The following TCFL5 variants were observed in gnomAD, a reference collection of about 807,000 sequenced individuals.
The protein encoded by TCFL5 is transcription factor like 5, also known as transcription factor-like 5 protein.
Under a neutral mutation model 44.3 loss-of-function variants are expected in TCFL5, and 9 were observed. The observed-to-expected ratio is 0.20, with a 90% CI of 0.12 to 0.35. TCFL5 has a LOEUF of 0.35. Among genes scored for constraint, TCFL5 ranks in the 10% least tolerant of loss-of-function variants. The pLI is 1.00. For synonymous variants in TCFL5, 319 were observed against 271.6 expected (o/e 1.17, Z -1.72); for missense variants, 603 against 613.4 (o/e 0.98, Z 0.18).
intron 4 of TCFL5, 48 bp downstream of exon 4, chr20:62,857,347 T>G (rs1354397306): frequency 3.7e-6 from 6 of 1,602,568 alleles, no homozygotes. Flanking sequence ...CATGTATGAC[T>G]AAGGTAATCA....
chr20:62,843,319 G>C (rs1404368666), intron 5 of TCFL5, among the ~76,000 whole-genome samples: 2 of 152,206 alleles, frequency 1.3e-5, no homozygotes, highest in African/African-American at 4.8e-5. Flanking sequence ...AAGGAGTGAA[G>C]GCTTTCAGGA....
At position 62,861,798 on chromosome 20, in the gene TCFL5, G is replaced by C. The variant is rs2147311526; in HGVS notation, c.-128C>G. On this transcript the variant is annotated 5_prime_UTR_variant, in exon 1 of 6. Coordinates refer to ENST00000335351, the MANE Select transcript of TCFL5 (RefSeq NM_006602.4). The surrounding 1 kb of genome is among the most constrained non-coding windows in gnomAD (Gnocchi z 4.0). ...CTGCGCCGGCCACAGCCGGCGCGCCGTTGGGGGAGGGAAAACCGCTGAGTG... is the reference window on the plus strand; with the variant it reads ...CTGCGCCGGCCACAGCCGGCGCGCCCTTGGGGGAGGGAAAACCGCTGAGTG... 1 of 148,254 alleles carries C rather than the reference G, an allele frequency of 6.7e-6. No homozygotes were observed. The highest frequency in any genetic ancestry group is 1.5e-5 in the Non-Finnish European group (1 of 66,134). 9.2% of individuals were successfully genotyped at this position (148,254 alleles called of 1,614,324 possible).
At chr20:62,859,645 T>C (rs1340908773) in intron 2 of TCFL5, 119 bp from the exon 3 acceptor site, 3 of 873,106 alleles carry the variant, frequency 3.4e-6, no homozygotes, top group Non-Finnish European at 5.2e-6. Flanking sequence ...TGAAGAACTT[T>C]AGTTGCACTG....
rs530225782 is a variant in TCFL5, at chr20:62,856,422, T to C, written c.1238+973A>G. ...CAGCAATCTTAAAAGAACCAGGCAATAGCCAGGAGCGGTGGCTCACACCTG... is the reference window on the plus strand; with the variant it reads ...CAGCAATCTTAAAAGAACCAGGCAACAGCCAGGAGCGGTGGCTCACACCTG... On this transcript the variant is annotated intron_variant, in intron 4 of 5. Transcript: ENST00000335351. Among the ~76,000 whole-genome samples, 259 of 150,282 alleles carry C rather than the reference T, an allele frequency of 1.7e-3. 3 individuals carry two copies. The highest frequency in any genetic ancestry group is 6.4e-3 in the Admixed American group (97 of 15,084).
chr20:62,856,357 G>A (rs182665347), intron 4 of TCFL5, among the ~76,000 whole-genome samples: 25 of 150,740 alleles, frequency 1.7e-4, no homozygotes, highest in Admixed American at 1.3e-4. Context: ...AAAATCTACA[G>A]ACAAAACCAC....
chr20:62,856,511 T>C (rs559194778), intron 4 of TCFL5, among the ~76,000 whole-genome samples: 5 of 151,870 alleles, frequency 3.3e-5, no homozygotes, highest in Middle Eastern at 3.4e-3. Context: ...AAGACCATCC[T>C]GGCTAACATG....
intron 4 of TCFL5, among the ~76,000 whole-genome samples, chr20:62,855,810 A>G (rs944506468): frequency 1.3e-5 from 2 of 152,188 alleles, no homozygotes; most frequent in African/African-American, 4.8e-5. Flanking sequence ...CCTTAGCTCA[A>G]CATTCAACCT....
chr20:62,842,108 G>C lies in TCFL5; in HGVS notation c.1381-11C>G, dbSNP rs751453955. On this transcript the variant is annotated splice_polypyrimidine_tract_variant and intron_variant, in intron 5 of 5. Coordinates refer to ENST00000335351, the MANE Select transcript of TCFL5 (RefSeq NM_006602.4). The surrounding 1 kb of genome is among the most constrained non-coding windows in gnomAD (Gnocchi z 4.3). ...TACGCTCTCAAATTCCTGCAGTGAA[G>C]AAGTGACGGTTAACATACTGAATTA... is the stretch of plus-strand genomic sequence containing the variant. 1 of 1,614,048 alleles carries C rather than the reference G, an allele frequency of 6.2e-7. No homozygotes were observed. The highest frequency in any genetic ancestry group is 8.5e-7 in the Non-Finnish European group (1 of 1,179,966).
intron 5 of TCFL5, among the ~76,000 whole-genome samples, chr20:62,847,493 C>T (rs145611381): frequency 7.3e-4 from 111 of 152,368 alleles, no homozygotes; most frequent in Non-Finnish European, 1.3e-3. Flanking sequence ...GACTCCAGCA[C>T]GGCCCAGGCC....
At chr20:62,853,146 GTA>G (rs2063838240) in intron 5 of TCFL5, among the ~76,000 whole-genome samples, 2 of 150,200 alleles carry the variant, frequency 1.3e-5, no homozygotes, top group Admixed American at 1.3e-4. Context: ...CCGGTCCACA[GTA>G]TAGTCACCCA....
In TCFL5 at chr20:62,861,569, C is replaced by A; in HGVS notation, c.102G>T (p.Glu34Asp). Residue 34 changes from glutamate to aspartate, a missense_variant, in exon 1 of 6, where the codon GAG becomes GAT. By Grantham distance (45) the Glu-to-Asp change is conservative. This residue lies in a region of TCFL5 where 540 missense variants were observed against 478.7 expected (regional missense o/e 1.13). Coordinates refer to ENST00000335351, the MANE Select transcript of TCFL5 (RefSeq NM_006602.4). This position sits in a 1 kb window ranked among gnomAD's most constrained non-coding sequence, Gnocchi z 4.0. ...GAGGGDAALG[E>D]PGLSFTTTDL... ...CGGTGGTCGTGAAGCTCAGCCCCGG[C>A]TCGCCCAGCGCCGCGTCCCCGCCGC... is the stretch of plus-strand genomic sequence containing the variant. 1.8e-6 allele frequency: 2 copies of A among 1,113,804 alleles called. No homozygotes were observed. The highest frequency in any genetic ancestry group is 6.8e-5 in the South Asian group (2 of 29,626). 69.0% of individuals were successfully genotyped at this position (1,113,804 alleles called of 1,614,324 possible). A position where few individuals can be genotyped will look rare whatever the true frequency, so the allele number is the denominator to read the frequency against.
chr20:62,842,164 G>A lies in TCFL5; in HGVS notation c.1381-67C>T. On this transcript the variant is annotated intron_variant, in intron 5 of 5. Coordinates refer to ENST00000335351, the MANE Select transcript of TCFL5 (RefSeq NM_006602.4). The surrounding 1 kb of genome is among the most constrained non-coding windows in gnomAD (Gnocchi z 4.3). ...CATGAAAACTGCTGTCTTCCAAAGTGCAAAAGGTTCAAATTAAGAGCTAAG... is the reference window on the plus strand; with the variant it reads ...CATGAAAACTGCTGTCTTCCAAAGTACAAAAGGTTCAAATTAAGAGCTAAG... 1 of 1,593,802 alleles carries A rather than the reference G, an allele frequency of 6.3e-7. No individual in the cohort carries two copies. The highest frequency in any genetic ancestry group is 8.6e-7 in the Non-Finnish European group (1 of 1,168,468).
intron 5 of TCFL5, among the ~76,000 whole-genome samples, chr20:62,848,287 G>A (rs1422088195): frequency 2.6e-5 from 4 of 152,220 alleles, no homozygotes; most frequent in Admixed American, 6.5e-5. Context: ...GGCCCCCAGC[G>A]TGCAGGGGCA....
rs1455358847 is a variant in TCFL5 at position 62,845,610 on chromosome 20, C to T, written c.1381-3513G>A. On this transcript the variant is annotated intron_variant, in intron 5 of 5. Transcript: ENST00000335351. ...GCCGGCTCCGGAGAAGTTAGACCCTCGGAGCTGGTCTCGGACTGCTGGGGC... is the reference window on the plus strand; with the variant it reads ...GCCGGCTCCGGAGAAGTTAGACCCTTGGAGCTGGTCTCGGACTGCTGGGGC... The T allele has an allele frequency of 8.8e-6, 14 of 1,583,430 alleles. No homozygotes were observed. In the Admixed American group the frequency reaches 1.2e-4, roughly 14 times the overall value.
rs1427260008 is a variant in TCFL5, at chr20:62,861,342, C to A, written c.329G>T (p.Cys110Phe). Residue 110 changes from cysteine (C) to phenylalanine (F), a missense_variant, in exon 1 of 6, where the codon TGC becomes TTC. Transcript: ENST00000335351. The surrounding 1 kb of genome is among the most constrained non-coding windows in gnomAD (Gnocchi z 4.0). ...GGAAPVYPVL[C>F]PSALAADAPC... ...CGCGTCGGCCGCCAGCGCGGACGGG[C>A]ACAGCACGGGGTACACGGGCGCCGC... The A allele has an allele frequency of 2.4e-5, 27 of 1,124,868 alleles. No homozygotes were observed. Among genetic ancestry groups the A allele is most frequent in the Non-Finnish European group, 2.6e-5 (24 of 912,554 alleles). 69.7% of individuals were successfully genotyped at this position (1,124,868 alleles called of 1,614,324 possible). A position where few individuals can be genotyped will look rare whatever the true frequency, so the allele number is the denominator to read the frequency against.
At chr20:62,856,252 C>CAAAAAA (rs11473595) in intron 4 of TCFL5, among the ~76,000 whole-genome samples, 31 of 63,076 alleles carry the variant, frequency 4.9e-4, no homozygotes, top group South Asian at 1.2e-3. Context: ...GACTCCGTCT[C>CAAAAAA]AAAAAAAAAA....
chr20:62,846,085 T>A, intron 5 of TCFL5: 5 of 1,320,428 alleles, frequency 3.8e-6, no homozygotes, highest in Non-Finnish European at 5.0e-6. Flanking sequence ...AGCAAGTCCA[T>A]AACATGACGT....
At chr20:62,858,723 ACGCAGG>A (rs2063935646) in intron 3 of TCFL5, among the ~76,000 whole-genome samples, 1 of 83,614 alleles carries the variant, frequency 1.2e-5, no homozygotes, top group Admixed American at 1.1e-4. Flanking sequence ...GGAAGGGGCT[ACGCAGG>A]TGTTTCCCAG....
chr20:62,856,704 T>TAAA (rs749939924), intron 4 of TCFL5, among the ~76,000 whole-genome samples: 1 of 11,792 alleles, frequency 8.5e-5, no homozygotes, highest in Admixed American at 1.2e-3. Context: ...AGACTCCGTC[T>TAAA]CAAAAAAAAA....
Sources: gnomAD v4.1 joint callset for allele counts (sites outside exome capture counted in the v4.1 genomes callset) on GRCh38, gnomAD v4.1.1 for gene constraint, gnomAD v4.1.1 regional missense constraint, Gnocchi (gnomAD v3.1) non-coding constraint, MANE v1.5 for transcripts, NCBI Gene and HGNC (gene_info 2026-07-23, HGNC 2026-07-21) for gene names.